BLNK: variants seen among roughly 807,000 people sequenced by gnomAD.
BLNK encodes B-cell linker protein.
BLNK carries 29 observed loss-of-function variants against 73.5 expected under a neutral mutation model. The observed-to-expected ratio is 0.39, with a 90% CI of 0.29 to 0.54. BLNK has a LOEUF of 0.54. Among genes scored for constraint, BLNK ranks in the 20% least tolerant of loss-of-function variants. The pLI, the probability that BLNK is intolerant of heterozygous loss-of-function variation, is 0.61. For missense variants in BLNK, 460 were observed against 562.8 expected, an observed-to-expected ratio of 0.82 and a Z score of 1.85; for synonymous variants, 176 against 200.8, an observed-to-expected ratio of 0.88 and a Z score of 1.04.
chr10:96,236,139 C>A (rs925208991), intron 3 of BLNK, among the ~76,000 whole-genome samples: 2 of 152,042 alleles, frequency 1.3e-5, no homozygotes, highest in Non-Finnish European at 2.9e-5. Context: ...ATAGGAGCAC[C>A]AGAGCCCCTG....
chr10:96,207,082 T>C (rs1554897591), intron 10 of BLNK, 29 bp from the exon 11 acceptor site: 1 of 1,588,164 alleles, frequency 6.3e-7, no homozygotes, highest in Admixed American at 1.7e-5. Context: ...GGCAAGGTTA[T>C]TCAATATAGC....
Position 96,200,859 on chromosome 10 carries a change from A to C in BLNK, c.1011+123T>G, listed in dbSNP as rs2083613777. 2 of 928,386 alleles carry C rather than the reference A, an allele frequency of 2.2e-6. No individual in the cohort carries two copies. The highest frequency in any genetic ancestry group is 3.6e-6 in the Non-Finnish European group (2 of 560,892). 57.5% of individuals were successfully genotyped at this position (928,386 alleles called of 1,614,324 possible). On this transcript the variant is annotated intron_variant, in intron 14 of 16. Transcript: ENST00000224337. This position sits in a 1 kb window ranked among gnomAD's most constrained non-coding sequence, Gnocchi z 4.3. Reference sequence around the variant, plus strand: ...TCCCTATTACCAAATGACAGTTCACATAATGATGTAAAATACAGTCTCTGT... The same window carrying C: ...TCCCTATTACCAAATGACAGTTCACCTAATGATGTAAAATACAGTCTCTGT...
At chr10:96,243,907 A>T (rs1591350680) in intron 2 of BLNK, among the ~76,000 whole-genome samples, 1 of 152,178 alleles carries the variant, frequency 6.6e-6, no homozygotes, top group South Asian at 2.1e-4. Context: ...AATAAAACTT[A>T]TATCCAGTAG....
chr10:96,193,859 A>G (rs2083390865), intron 16 of BLNK, among the ~76,000 whole-genome samples: 1 of 152,244 alleles, frequency 6.6e-6, no homozygotes, highest in Admixed American at 6.5e-5. Flanking sequence ...AAAACTCCAC[A>G]TGATTGACAT....
At chr10:96,195,809 C>T (rs1307278706) in intron 16 of BLNK, among the ~76,000 whole-genome samples, 1 of 152,144 alleles carries the variant, frequency 6.6e-6, no homozygotes, top group Non-Finnish European at 1.5e-5. Context: ...GGTTTTTTAA[C>T]CACAGTTGTC....
At chr10:96,247,515 T>A (rs555557066) in intron 1 of BLNK, among the ~76,000 whole-genome samples, 1 of 152,186 alleles carries the variant, frequency 6.6e-6, no homozygotes, top group Non-Finnish European at 1.5e-5. Context: ...TGGCTGATAT[T>A]TGAAACTTCT....
intron 1 of BLNK, among the ~76,000 whole-genome samples, chr10:96,265,359 A>G (rs1554913991): frequency 1.3e-5 from 2 of 152,036 alleles, no homozygotes; most frequent in African/African-American, 2.4e-5. Context: ...TATGCTTTTT[A>G]CCTCAACATT....
rs186057029 is a variant in BLNK at position 96,191,030 on chromosome 10, G to C, written c.*943C>G. The stretch of plus-strand genomic sequence containing the variant: ...GTGCCATGGGAGGGACCTGGTGGGA[G>C]GTAACTGAATCACGCGGGCAGGTTT... On this transcript the variant is annotated 3_prime_UTR_variant, in exon 17 of 17. Transcript: ENST00000224337. Among the ~76,000 whole-genome samples, 192 of 152,228 alleles carry C rather than the reference G, an allele frequency of 1.3e-3. 2 individuals are homozygous for C. Among genetic ancestry groups the C allele is most frequent in the African/African-American group, 4.3e-3 (180 of 41,546 alleles).
Position 96,190,625 on chromosome 10 carries a change from AT to A in BLNK, c.*1347del, listed in dbSNP as rs1438725118. Among the ~76,000 whole-genome samples, 1 of 152,196 alleles carries A rather than the reference AT, an allele frequency of 6.6e-6. No homozygotes were observed. The highest frequency in any genetic ancestry group is 2.4e-5 in the African/African-American group (1 of 41,452). ...GAAGTGAGTCATGAGTTACCCTGAA[AT>A]TATTACCTTCTGGCCTTTCAACATA... On this transcript the variant is annotated 3_prime_UTR_variant, in exon 17 of 17. Coordinates refer to ENST00000224337, the MANE Select transcript of BLNK (RefSeq NM_013314.4).
At chr10:96,259,400 A>G (rs1870169) in intron 1 of BLNK, among the ~76,000 whole-genome samples, 145,800 of 152,266 alleles carry the variant, frequency 0.96, 69,823 homozygotes, top group Middle Eastern at 1. Context: ...GGTAAGGCAC[A>G]TGGGAGGCAG....
At chr10:96,216,878 AC>A in intron 6 of BLNK, 144 bp from the exon 7 acceptor site, 1 of 752,098 alleles carries the variant, frequency 1.3e-6, no homozygotes, top group East Asian at 2.7e-5. Flanking sequence ...CAATTTGGTG[AC>A]TTTTAGTATA....
At chr10:96,243,792 C>A (rs1370114350) in intron 2 of BLNK, among the ~76,000 whole-genome samples, 1 of 152,020 alleles carries the variant, frequency 6.6e-6, no homozygotes, top group Non-Finnish European at 1.5e-5. Context: ...TGATACCTCC[C>A]TTTCCACTAC....
intron 1 of BLNK, among the ~76,000 whole-genome samples, chr10:96,266,617 G>A (rs555791824): frequency 6.6e-5 from 10 of 152,278 alleles, no homozygotes; most frequent in South Asian, 2.1e-4. Flanking sequence ...TTGGTGTGCC[G>A]CAAGATGGTC....
chr10:96,214,587 G>A (rs782599138), intron 8 of BLNK, among the ~76,000 whole-genome samples: 1 of 152,168 alleles, frequency 6.6e-6, no homozygotes, highest in African/African-American at 2.4e-5. Context: ...ATGTGGCCTG[G>A]AGGCTCTACG....
Position 96,246,015 on chromosome 10 carries a change from C to G in BLNK, c.113+969G>C, listed in dbSNP as rs188189324. ...TTATTTAAAAAATTTAAAGACTTAA[C>G]AGAATACCATTTCCCATTTTCTCTT... On this transcript the variant is annotated intron_variant, in intron 2 of 16. Coordinates refer to ENST00000224337, the MANE Select transcript of BLNK (RefSeq NM_013314.4). Among the ~76,000 whole-genome samples, 26 of 152,050 alleles carry G rather than the reference C, an allele frequency of 1.7e-4. No individual in the cohort carries two copies. The East Asian group carries it at 4.6e-3, about 27-fold the overall frequency.
intron 1 of BLNK, among the ~76,000 whole-genome samples, chr10:96,259,717 G>T (rs1162224166): frequency 3.9e-5 from 3 of 76,634 alleles, no homozygotes; most frequent in African/African-American, 1.1e-4. Flanking sequence ...TTTTCCTACT[G>T]AGATCTGCAA....
At chr10:96,218,013 T>G (rs1189461389) in intron 6 of BLNK, among the ~76,000 whole-genome samples, 1 of 152,262 alleles carries the variant, frequency 6.6e-6, no homozygotes, top group African/African-American at 2.4e-5. Flanking sequence ...TTCTTTTGCC[T>G]GTGGATACAT....
chr10:96,230,879 GC>G (rs1479876667), intron 3 of BLNK, 45 bp from the exon 4 acceptor site: 9 of 1,597,992 alleles, frequency 5.6e-6, no homozygotes, highest in Non-Finnish European at 7.7e-6. Context: ...GTGAGCCTCA[GC>G]TGGCCAGCCC....
rs1362735320 is a variant in BLNK at position 96,191,240 on chromosome 10, T to TTTC, written c.*732_*733insGAA. Among the ~76,000 whole-genome samples the TTTC allele has an allele frequency of 4.0e-5, 6 of 150,768 alleles. No individual in the cohort carries two copies. Among genetic ancestry groups the TTTC allele is most frequent in the Non-Finnish European group, 8.9e-5 (6 of 67,526 alleles). On this transcript the variant is annotated 3_prime_UTR_variant, in exon 17 of 17. Coordinates refer to ENST00000224337, the MANE Select transcript of BLNK (RefSeq NM_013314.4). Reference sequence around the variant, plus strand: ...ACTGTGAGTCCATTAAACCTCTTTTTTTTTTTTTTTTTTTATGTAAATCAC... The same window carrying TTTC: ...ACTGTGAGTCCATTAAACCTCTTTTTTTCTTTTTTTTTTTTTTATGTAAATCAC...
Sources: gnomAD v4.1 joint callset for allele counts (sites outside exome capture counted in the v4.1 genomes callset) on GRCh38, gnomAD v4.1.1 for gene constraint, Gnocchi (gnomAD v3.1) non-coding constraint, MANE v1.5 for transcripts, NCBI Gene and HGNC (gene_info 2026-07-23, HGNC 2026-07-21) for gene names.